Variants in CENPI observed in about 807,000 individuals in gnomAD.
CENPI encodes FSH primary response 1.
CENPI carries 4 observed loss-of-function variants against 60.4 expected under a neutral mutation model. That is an observed-to-expected ratio of 0.07 (90% confidence interval 0.03 to 0.15). The LOEUF is 0.15. Ranked by LOEUF, CENPI falls within the 10% of genes least tolerant of loss-of-function variation. The probability of loss-of-function intolerance (pLI) is 1.00; values close to 1 mark genes in which losing one functional copy is unlikely to be tolerated. For missense variants in CENPI, 444 were observed against 534.5 expected (o/e 0.83, Z 1.67); for synonymous variants, 157 against 189.4 (o/e 0.83, Z 1.40).
chrX:101,147,503 T>C (rs2089972390), intron 18 of CENPI, among the ~76,000 whole-genome samples: 1 of 110,955 alleles, frequency 9.0e-6, no homozygotes, highest in Admixed American at 9.7e-5. Flanking sequence ...TAGTGAAACA[T>C]TGAAAGCATT....
At chrX:101,173,862 A>G in the CENPI span, among the ~76,000 whole-genome samples, 2 of 111,776 alleles carry the variant, frequency 1.8e-5, no homozygotes, top group Admixed American at 9.5e-5. Flanking sequence ...ATTCTATCAG[A>G]CAAACGTCTA....
intron 4 of CENPI, among the ~76,000 whole-genome samples, chrX:101,106,014 G>A (rs185053871): frequency 1.0e-4 from 11 of 110,011 alleles, no homozygotes; most frequent in South Asian, 7.8e-4. Context: ...AGCTCTTTTG[G>A]TAAGTTGAGA....
At chrX:101,120,957 C>T (rs2089671515) in intron 8 of CENPI, among the ~76,000 whole-genome samples, 173 bp downstream of exon 8, 1 of 107,311 alleles carries the variant, frequency 9.3e-6, no homozygotes, top group South Asian at 4.2e-4. Context: ...CTCACTGCAA[C>T]CTCCGCCTCC....
chrX:101,112,975 T>C (rs749749035), intron 6 of CENPI, among the ~76,000 whole-genome samples: 5 of 110,042 alleles, frequency 4.5e-5, no homozygotes, highest in Admixed American at 9.9e-5. Flanking sequence ...TTTTTTTTTT[T>C]CTAAGTGTTC....
rs1224130144 is a variant in CENPI, at chrX:101,165,116, A to G, written c.*2149A>G. 8.9e-6 allele frequency among the ~76,000 whole-genome samples: 1 copy of G among 112,174 alleles called. No individual in the cohort carries two copies. The highest frequency in any genetic ancestry group is 1.9e-5 in the Non-Finnish European group (1 of 53,277). On this transcript the variant is annotated 3_prime_UTR_variant, in exon 22 of 22. Coordinates refer to ENST00000682095, the MANE Select transcript of CENPI (RefSeq NM_001386188.2). ...ACAGCATAGTGATTAAGAGAGAAGA[A>G]TGGTAAGAAGTGACATAAGGAAGAA...
At position 101,143,256 on chromosome X, in the gene CENPI, C is replaced by T. The variant is rs142612292; in HGVS notation, c.1566-1808C>T. Among the ~76,000 whole-genome samples the T allele has an allele frequency of 7.2e-3, 787 of 109,741 alleles. 10 individuals carry two copies. Among genetic ancestry groups the T allele is most frequent in the African/African-American group, 0.025 (745 of 30,217 alleles). ...GATTATACATGTTCTTTTCCTTATG[C>T]GTAACCATTGTTGACTACCTAGATA... On this transcript the variant is annotated intron_variant, in intron 16 of 21. Coordinates refer to ENST00000682095, the MANE Select transcript of CENPI (RefSeq NM_001386188.2).
chrX:101,126,950 T>C, intron 9 of CENPI, 152 bp downstream of exon 9: 3 of 611,469 alleles, frequency 4.9e-6, no homozygotes, highest in Non-Finnish European at 7.4e-6. Flanking sequence ...TTTTAGGAAT[T>C]GGTACTTCGT....
rs372845630 is a variant in CENPI, at chrX:101,101,237, A to G, written c.167A>G (p.His56Arg). 300 of 1,208,579 alleles carry G rather than the reference A, an allele frequency of 2.5e-4. 3 individuals are homozygous for G. In the South Asian group the frequency reaches 3.3e-3, roughly 13 times the overall value. ...AACAATCCAGTGGGAGATTATGAAC[A>G]TGCTGATGATCAAGCTGAAGAAGAT... ...GQNNPVGDYE[H>R]ADDQAEEDAL... The change falls in exon 3 of 22, where the codon CAT (histidine) becomes CGT (arginine). Residue 56 changes from histidine to arginine, a missense_variant. His to Arg is a conservative substitution (Grantham distance 29). Transcript: ENST00000682095.
At chrX:101,176,776 A>G in the CENPI span, among the ~76,000 whole-genome samples, 59 of 113,026 alleles carry the variant, frequency 5.2e-4, no homozygotes, top group African/African-American at 1.8e-3. Context: ...TTATGTATAT[A>G]GTCCCATTTG....
chrX:101,124,812 T>C (rs1473956586), intron 8 of CENPI, among the ~76,000 whole-genome samples: 1 of 111,993 alleles, frequency 8.9e-6, no homozygotes, highest in African/African-American at 3.2e-5. Flanking sequence ...TTTGTAAGTT[T>C]CCTGAGGCCA....
intron 15 of CENPI, among the ~76,000 whole-genome samples, chrX:101,140,057 C>G (rs1359762134): frequency 1.8e-5 from 2 of 110,997 alleles, no homozygotes; most frequent in African/African-American, 3.3e-5. Context: ...AGGATGGTCT[C>G]GATCTGCTGA....
downstream of CENPI, among the ~76,000 whole-genome samples, chrX:101,169,822 T>A (rs2090152510): frequency 9.0e-6 from 1 of 111,459 alleles, no homozygotes; most frequent in South Asian, 3.8e-4. Flanking sequence ...CCTAGCCTAA[T>A]GTATGTTTCT....
rs1237668575 is a variant in CENPI, at chrX:101,146,472, C to G, written c.1826+195C>G. ...TTTTTTAAATCCTCCACTGCTGTGG[C>G]TACAGAATAAAAAAAAATTCATAGT... is the stretch of plus-strand genomic sequence containing the variant. On this transcript the variant is annotated intron_variant, in intron 18 of 21. Coordinates refer to ENST00000682095, the MANE Select transcript of CENPI (RefSeq NM_001386188.2). Among the ~76,000 whole-genome samples, 2 of 111,199 alleles carry G rather than the reference C, an allele frequency of 1.8e-5. 1 individual carries two copies. Among genetic ancestry groups the G allele is most frequent in the Middle Eastern group, 8.4e-3 (2 of 237 alleles).
downstream of CENPI, among the ~76,000 whole-genome samples, chrX:101,166,401 G>T (rs1227313537): frequency 8.9e-6 from 1 of 112,638 alleles, no homozygotes; most frequent in African/African-American, 3.2e-5. Flanking sequence ...GGATCCACCC[G>T]TCTCGGCCTC....
At chrX:101,128,061 G>A (rs758701272) in intron 11 of CENPI, among the ~76,000 whole-genome samples, 34 of 111,064 alleles carry the variant, frequency 3.1e-4, no homozygotes, top group African/African-American at 1.0e-3. Flanking sequence ...TGGGCTGGGC[G>A]CGGTGGCTCA....
intron 15 of CENPI, 133 bp downstream of exon 15, chrX:101,132,589 A>G (rs908323356): frequency 6.0e-6 from 3 of 500,249 alleles, no homozygotes; most frequent in African/African-American, 2.4e-5. Flanking sequence ...GAGGTACTGC[A>G]TCACTCAACT....
intron 3 of CENPI, among the ~76,000 whole-genome samples, 189 bp from the exon 4 acceptor site, chrX:101,102,085 G>T (rs933606357): frequency 8.9e-6 from 1 of 112,083 alleles, no homozygotes; most frequent in Non-Finnish European, 1.9e-5. Flanking sequence ...TGTTGCCCAG[G>T]CTGGTCTCAA....
chrX:101,122,456 A>G (rs907761204), intron 8 of CENPI, among the ~76,000 whole-genome samples: 3 of 112,133 alleles, frequency 2.7e-5, no homozygotes, highest in African/African-American at 6.5e-5. Context: ...TTCTCTGAAG[A>G]TATTAATGGT....
intron 6 of CENPI, 48 bp downstream of exon 6, chrX:101,110,046 G>C: frequency 2.7e-6 from 2 of 743,026 alleles, no homozygotes; most frequent in Non-Finnish European, 4.1e-6. Context: ...TAGTACATGT[G>C]TGTATATTGA....
Sources: allele counts gnomAD v4.1 joint callset (sites outside exome capture counted in the v4.1 genomes callset), GRCh38; gene constraint gnomAD v4.1.1; transcripts MANE v1.5; gene names NCBI Gene and HGNC (gene_info 2026-07-23, HGNC 2026-07-21).